HMGA2: variants seen among roughly 807,000 people sequenced by gnomAD.
HMGA2 encodes high mobility group AT-hook 2.
HMGA2 carries 8 observed loss-of-function variants against 19.1 expected under a neutral mutation model. The observed-to-expected ratio is 0.42, with a 90% CI of 0.25 to 0.76. The LOEUF (loss-of-function observed/expected upper bound fraction) is 0.76, where lower values mean the gene tolerates loss of function less well. HMGA2 is among the 30% of genes least tolerant of loss of function. The pLI is 0.28. For synonymous variants in HMGA2, 60 were observed against 48.8 expected (o/e 1.23, Z -0.96); for missense variants, 109 against 136.3 (o/e 0.80, Z 1.00).
chr12:65,880,657 A>C, intron 3 of HMGA2, among the ~76,000 whole-genome samples: 1 of 152,218 alleles, frequency 6.6e-6, no homozygotes, highest in South Asian at 2.1e-4. Context: ...TCAGAATCAG[A>C]CAATGTACAG....
intron 3 of HMGA2, among the ~76,000 whole-genome samples, chr12:65,888,710 C>T (rs1450845784): frequency 6.6e-6 from 1 of 150,772 alleles, no homozygotes; most frequent in African/African-American, 2.4e-5. Context: ...ACTACAGGCG[C>T]CCGCCACCAC....
intron 3 of HMGA2, among the ~76,000 whole-genome samples, chr12:65,890,446 AAAG>A (rs1873853415): frequency 6.6e-6 from 1 of 152,218 alleles, no homozygotes; most frequent in South Asian, 2.1e-4. Flanking sequence ...TGATCAATGC[AAAG>A]AAGAGCAAGA....
chr12:65,830,111 A>G (rs1870413288), intron 2 of HMGA2, among the ~76,000 whole-genome samples: 2 of 152,030 alleles, frequency 1.3e-5, no homozygotes, highest in Non-Finnish European at 2.9e-5. Flanking sequence ...AAATGAATAA[A>G]TACATTTGCC....
At chr12:65,848,826 G>A (rs886939923) in intron 3 of HMGA2, among the ~76,000 whole-genome samples, 5 of 151,900 alleles carry the variant, frequency 3.3e-5, no homozygotes, top group African/African-American at 1.2e-4. Context: ...ACTGCAGTCC[G>A]CAGTCCGACC....
chr12:65,843,114 T>C (rs2120894194), intron 3 of HMGA2: 1 of 226,888 alleles, frequency 4.4e-6, no homozygotes, highest in East Asian at 6.5e-5. Flanking sequence ...ATTAATGGTT[T>C]TTATAAGAAA....
intron 3 of HMGA2, among the ~76,000 whole-genome samples, chr12:65,848,783 G>A (rs1871333976): frequency 6.6e-6 from 1 of 152,070 alleles, no homozygotes; most frequent in African/African-American, 2.4e-5. Flanking sequence ...GTGAACCCGG[G>A]AGGCGGAGCT....
At chr12:65,866,989 A>G (rs772876353) in intron 3 of HMGA2, 5 of 456,226 alleles carry the variant, frequency 1.1e-5, no homozygotes, top group Middle Eastern at 6.5e-4. Context: ...TTGAAGGGGG[A>G]GAAATCAGTT....
chr12:65,962,520 C>G (rs1876780111), intron 4 of HMGA2, among the ~76,000 whole-genome samples: 1 of 152,202 alleles, frequency 6.6e-6, no homozygotes, highest in Non-Finnish European at 1.5e-5. Flanking sequence ...ACTTGGGTCA[C>G]TGTCTCAAAA....
chr12:65,870,979 T>A lies in HMGA2; in HGVS notation c.249+32410T>A, dbSNP rs1319638950. 3.9e-5 allele frequency among the ~76,000 whole-genome samples: 6 copies of A among 152,142 alleles called. No homozygotes were observed. In the East Asian group the frequency reaches 9.7e-4, roughly 25 times the overall value. On this transcript the variant is annotated intron_variant, in intron 3 of 4. Coordinates refer to ENST00000403681, the MANE Select transcript of HMGA2 (RefSeq NM_003483.6). The stretch of plus-strand genomic sequence containing the variant: ...CATACATGCTTAAGGAGATTGGATG[T>A]TACAGGAAATGGGAAGCTATTAAAG...
chr12:65,865,902 A>T (rs1395489689), intron 3 of HMGA2, among the ~76,000 whole-genome samples: 1 of 151,446 alleles, frequency 6.6e-6, no homozygotes, highest in Non-Finnish European at 1.5e-5. Context: ...TTGGCCTCCC[A>T]ATGTGCTGGG....
intron 3 of HMGA2, chr12:65,858,907 C>G (rs1871894284): frequency 1.3e-5 from 2 of 152,192 alleles, no homozygotes; most frequent in African/African-American, 4.8e-5. Context: ...TGAAGAAACA[C>G]TCTTAAAAGT....
intron 3 of HMGA2, among the ~76,000 whole-genome samples, chr12:65,936,660 A>G (rs1344402276): frequency 1.3e-5 from 2 of 150,486 alleles, no homozygotes; most frequent in Non-Finnish European, 2.9e-5. Flanking sequence ...TACTACTGCC[A>G]TCACCGCCAC....
At chr12:65,861,626 A>G (rs951511919) in intron 3 of HMGA2, among the ~76,000 whole-genome samples, 2 of 149,936 alleles carry the variant, frequency 1.3e-5, no homozygotes, top group African/African-American at 2.4e-5. Flanking sequence ...AAATTGGTAA[A>G]AAAAAAAAAA....
At chr12:65,901,523 G>A (rs2121177118) in intron 3 of HMGA2, among the ~76,000 whole-genome samples, 2 of 152,294 alleles carry the variant, frequency 1.3e-5, no homozygotes, top group South Asian at 4.1e-4. Flanking sequence ...TTGTGACACT[G>A]TTGTTGGTGA....
chr12:65,888,590 G>T (rs1187600023), intron 3 of HMGA2, among the ~76,000 whole-genome samples: 1 of 67,550 alleles, frequency 1.5e-5, no homozygotes. Context: ...TTGAGACAGA[G>T]TCTCACTCTG....
intron 4 of HMGA2, among the ~76,000 whole-genome samples, chr12:65,962,241 C>T (rs376731681): frequency 6.6e-6 from 1 of 152,108 alleles, no homozygotes; most frequent in Admixed American, 6.5e-5. Flanking sequence ...TTATTGTCTC[C>T]GCTTTACCAC....
intron 4 of HMGA2, chr12:65,958,539 T>C (rs1565742995): frequency 6.6e-6 from 1 of 152,220 alleles, no homozygotes; most frequent in Non-Finnish European, 1.5e-5. Flanking sequence ...CTTGTGGTCT[T>C]GCCGGTCACT....
intron 3 of HMGA2, among the ~76,000 whole-genome samples, chr12:65,852,490 G>A (rs781447604): frequency 6.6e-6 from 1 of 152,054 alleles, no homozygotes; most frequent in East Asian, 1.9e-4. Context: ...GTGACAGAGC[G>A]AGACTCTGTT....
At chr12:65,854,944 C>T (rs1871656730) in intron 3 of HMGA2, among the ~76,000 whole-genome samples, 2 of 152,192 alleles carry the variant, frequency 1.3e-5, no homozygotes, top group African/African-American at 4.8e-5. Context: ...CTGGCAAAAT[C>T]ATAGGTGGGC....
Sources: allele counts gnomAD v4.1 joint callset (sites outside exome capture counted in the v4.1 genomes callset), GRCh38; gene constraint gnomAD v4.1.1; transcripts MANE v1.5; gene names NCBI Gene and HGNC (gene_info 2026-07-23, HGNC 2026-07-21).